ABCC1: variants seen among roughly 807,000 people sequenced by gnomAD.
The protein encoded by ABCC1 is ATP binding cassette subfamily C member 1 (ABCC1 blood group).
ABCC1 carries 83 observed loss-of-function variants against 172.9 expected under a neutral mutation model. The observed-to-expected ratio is 0.48, with a 90% CI of 0.40 to 0.58. The LOEUF is 0.58. Among genes scored for constraint, ABCC1 ranks in the 20% least tolerant of loss-of-function variants. ABCC1 has a pLI of 0.00. For missense variants in ABCC1, 1,817 were observed against 2,002.7 expected, an observed-to-expected ratio of 0.91 and a Z score of 1.77; for synonymous variants, 937 against 825.2, an observed-to-expected ratio of 1.14 and a Z score of -2.32.
chr16:16,108,892 A>G (rs966272870), intron 21 of ABCC1, among the ~76,000 whole-genome samples: 1 of 151,684 alleles, frequency 6.6e-6, no homozygotes, highest in Non-Finnish European at 1.5e-5. Flanking sequence ...ACACCTGGCC[A>G]CACACTTGTC....
At chr16:15,950,423 T>C (rs2151465259) in intron 1 of ABCC1, among the ~76,000 whole-genome samples, 1 of 152,256 alleles carries the variant, frequency 6.6e-6, no homozygotes, top group Non-Finnish European at 1.5e-5. Flanking sequence ...TGATGTGCCC[T>C]ACCTGACCCT....
At chr16:15,954,494 TGCAAGGTG>T (rs2045944180) in intron 1 of ABCC1, among the ~76,000 whole-genome samples, 1 of 151,834 alleles carries the variant, frequency 6.6e-6, no homozygotes, top group Non-Finnish European at 1.5e-5. Context: ...CATGACAGGG[TGCAAGGTG>T]GCAAGGTGAA....
chr16:16,038,862 C>G (rs546019921), intron 7 of ABCC1, among the ~76,000 whole-genome samples: 1 of 152,262 alleles, frequency 6.6e-6, no homozygotes, highest in Admixed American at 6.5e-5. Context: ...CTTTGTGTCC[C>G]CTGGAGCTTG....
At chr16:16,053,345 C>G (rs2049509908) in intron 11 of ABCC1, among the ~76,000 whole-genome samples, 1 of 151,998 alleles carries the variant, frequency 6.6e-6, no homozygotes, top group South Asian at 2.1e-4. Flanking sequence ...TCTCAAACTC[C>G]TGGGCTTAAG....
Position 16,087,267 on chromosome 16 carries a change from C to G in ABCC1, c.2460+276C>G, listed in dbSNP as rs186049647. Among the ~76,000 whole-genome samples, 379 of 152,300 alleles carry G rather than the reference C, an allele frequency of 2.5e-3. 1 individual carries two copies. Among genetic ancestry groups the G allele is most frequent in the African/African-American group, 8.5e-3 (353 of 41,562 alleles). ...CCTGATTAAGTCACAGGGCTGGCTT[C>G]TTAGCGGGGAATCCCACTCCAAGAC... On this transcript the variant is annotated intron_variant, in intron 18 of 30. Transcript: ENST00000399410.
intron 6 of ABCC1, among the ~76,000 whole-genome samples, chr16:16,033,701 C>T (rs1341862872): frequency 6.6e-6 from 1 of 152,044 alleles, no homozygotes; most frequent in Non-Finnish European, 1.5e-5. Flanking sequence ...CAGCTCACTA[C>T]AAGTCTCCGC....
chr16:16,028,502 G>A (rs1371781171), intron 5 of ABCC1, among the ~76,000 whole-genome samples: 1 of 152,074 alleles, frequency 6.6e-6, no homozygotes, highest in Non-Finnish European at 1.5e-5. Flanking sequence ...TTTCACAGTG[G>A]GTAGAGGGCT....
intron 18 of ABCC1, among the ~76,000 whole-genome samples, chr16:16,087,422 T>C (rs2096862690): frequency 6.6e-6 from 1 of 152,188 alleles, no homozygotes; most frequent in South Asian, 2.1e-4. Flanking sequence ...AGGGCAGTTG[T>C]GGTAATGGGT....
chr16:16,103,886 G>A (rs2051911371), intron 20 of ABCC1, among the ~76,000 whole-genome samples: 1 of 152,184 alleles, frequency 6.6e-6, no homozygotes, highest in South Asian at 2.1e-4. Context: ...CACGGTGAGT[G>A]TTACAGTTCT....
intron 16 of ABCC1, among the ~76,000 whole-genome samples, chr16:16,080,267 A>T (rs1175151342): frequency 1.3e-5 from 2 of 152,108 alleles, no homozygotes; most frequent in Non-Finnish European, 2.9e-5. Context: ...ATCTATTCTT[A>T]TAAATGTAAC....
In ABCC1 at chr16:15,952,460, C is replaced by T. The variant is rs542069400; in HGVS notation, c.48+2661C>T. ...TCTGGGCTACTGTCTGCCTCTGAGC[C>T]GCAGGAAATGTCCAGAAAACCCAGA... On this transcript the variant is annotated intron_variant, in intron 1 of 30. Coordinates refer to ENST00000399410, the MANE Select transcript of ABCC1 (RefSeq NM_004996.4). Among the ~76,000 whole-genome samples the T allele has an allele frequency of 1.4e-3, 209 of 151,916 alleles. 1 individual carries two copies. Among genetic ancestry groups the T allele is most frequent in the African/African-American group, 4.2e-3 (173 of 41,410 alleles).
intron 21 of ABCC1, among the ~76,000 whole-genome samples, chr16:16,108,943 GA>G (rs2052267155): frequency 6.6e-6 from 1 of 151,848 alleles, no homozygotes; most frequent in African/African-American, 2.4e-5. Flanking sequence ...CTACTCATGA[GA>G]AAGAGGTTCC....
rs1240404934 is a variant in ABCC1 at position 16,114,930 on chromosome 16, A to G, written c.3244A>G (p.Thr1082Ala). ...LVNRFSKELDTVDSMIPEVIK... is the reference protein window; with the variant it reads ...LVNRFSKELDAVDSMIPEVIK... ...GAACCGCTTCTCCAAGGAGCTGGAC[A>G]CAGTGGACTCCATGATCCCGGAGGT... The change falls in exon 23 of 31, where the codon ACA (threonine) becomes GCA (alanine). Residue 1082 changes from threonine (T) to alanine (A), a missense_variant. Thr to Ala is a moderately conservative substitution (Grantham distance 58, BLOSUM62 0). Coordinates refer to ENST00000399410, the MANE Select transcript of ABCC1 (RefSeq NM_004996.4). 2 of 1,614,076 alleles carry G rather than the reference A, an allele frequency of 1.2e-6. No individual in the cohort carries two copies. The highest frequency in any genetic ancestry group is 8.5e-7 in the Non-Finnish European group (1 of 1,179,986).
chr16:15,969,497 C>T (rs569986078), intron 1 of ABCC1, among the ~76,000 whole-genome samples: 2 of 151,742 alleles, frequency 1.3e-5, no homozygotes, highest in African/African-American at 2.4e-5. Flanking sequence ...CTCAGCCCCC[C>T]GAGTAGCTGG....
chr16:16,040,311 G>A (rs766096686), intron 7 of ABCC1, among the ~76,000 whole-genome samples: 7 of 151,562 alleles, frequency 4.6e-5, no homozygotes, highest in Non-Finnish European at 8.8e-5. Context: ...TTTTGAGATG[G>A]AATTTTGCTC....
rs758013850 is a variant in ABCC1 at position 16,138,396 on chromosome 16, G to A, written c.4325G>A (p.Arg1442Gln). The change falls in exon 30 of 31, where the codon CGG becomes CAG. Residue 1442 changes from arginine to glutamine, a missense_variant. Coordinates refer to ENST00000399410, the MANE Select transcript of ABCC1 (RefSeq NM_004996.4). ...CAGCGCCAGCTTGTGTGCCTAGCCC[G>A]GGCCCTGCTGAGGAAGACGAAGATC... ...VGQRQLVCLA[R>Q]ALLRKTKILV... The A allele has an allele frequency of 6.2e-6, 10 of 1,603,428 alleles. No individual in the cohort carries two copies. Among genetic ancestry groups the A allele is most frequent in the African/African-American group, 1.3e-5 (1 of 74,718 alleles).
At chr16:15,951,001 C>T (rs2045858998) in intron 1 of ABCC1, among the ~76,000 whole-genome samples, 1 of 152,008 alleles carries the variant, frequency 6.6e-6, no homozygotes, top group Non-Finnish European at 1.5e-5. Context: ...CATTTTAAGC[C>T]AGTGGGGTTG....
At chr16:16,110,021 A>C (rs879402946) in intron 21 of ABCC1, among the ~76,000 whole-genome samples, 1 of 151,690 alleles carries the variant, frequency 6.6e-6, no homozygotes, top group Non-Finnish European at 1.5e-5. Flanking sequence ...AGTTCCCCAG[A>C]TGCACTGTGT....
At position 16,142,045 on chromosome 16, in the gene ABCC1, C is replaced by G. The variant is rs997697116; in HGVS notation, c.*764C>G. 2 of 152,272 alleles carry G rather than the reference C, an allele frequency of 1.3e-5. No individual in the cohort carries two copies. Among genetic ancestry groups the G allele is most frequent in the Admixed American group, 1.3e-4 (2 of 15,288 alleles). The allele number at this position is 152,272 out of a possible 1,614,324, so 9.4% of individuals were successfully genotyped here. ...TAGGGCCAGGGGATTGTCTCAGGGC[C>G]GACGTTCCACCTGGGGCTTCCCTCC... On this transcript the variant is annotated 3_prime_UTR_variant, in exon 31 of 31. Transcript: ENST00000399410.
Sources: gnomAD v4.1 joint callset for allele counts (sites outside exome capture counted in the v4.1 genomes callset) on GRCh38, gnomAD v4.1.1 for gene constraint, MANE v1.5 for transcripts, NCBI Gene and HGNC (gene_info 2026-07-23, HGNC 2026-07-21) for gene names.